Variants in PIK3C2G observed in about 807,000 individuals in gnomAD.
PIK3C2G encodes phosphatidylinositol-4-phosphate 3-kinase catalytic subunit type 2 gamma.
Under a neutral mutation model 181.1 loss-of-function variants are expected in PIK3C2G, and 168 were observed. That is an observed-to-expected ratio of 0.93 (90% CI 0.82 to 1.05). The LOEUF (loss-of-function observed/expected upper bound fraction) is 1.05. Ranked by LOEUF, PIK3C2G falls within the 50% of genes least tolerant of loss-of-function variation. The pLI, the probability that PIK3C2G is intolerant of heterozygous loss-of-function variation, is 0.00. For missense variants in PIK3C2G, 1,869 were observed against 1,732.8 expected (o/e 1.08, Z -1.40); for synonymous variants, 573 against 592.2 (o/e 0.97, Z 0.47).
chr12:18,542,066 G>A (rs902094757), intron 25 of PIK3C2G, among the ~76,000 whole-genome samples: 1 of 151,826 alleles, frequency 6.6e-6, no homozygotes, highest in Middle Eastern at 3.4e-3. Flanking sequence ...GTAAGTATAG[G>A]GTCCACTTTC....
intron 31 of PIK3C2G, among the ~76,000 whole-genome samples, chr12:18,615,490 G>A (rs773416421): frequency 7.9e-5 from 12 of 151,532 alleles, no homozygotes; most frequent in South Asian, 6.2e-4. Flanking sequence ...TGGGCATCTA[G>A]ACTGTTTCCA....
chr12:18,268,584 CATTG>C (rs1306054152), intron 1 of PIK3C2G, among the ~76,000 whole-genome samples: 5 of 152,102 alleles, frequency 3.3e-5, no homozygotes, highest in Non-Finnish European at 7.4e-5. Flanking sequence ...TCTTAGACTA[CATTG>C]ATTTTTAGAT....
the PIK3C2G span, among the ~76,000 whole-genome samples, chr12:18,725,896 A>G: frequency 6.6e-6 from 1 of 152,164 alleles, no homozygotes; most frequent in South Asian, 2.1e-4. Context: ...TCTCCTCCCC[A>G]GGTTGCATTA....
chr12:18,448,079 T>C (rs991578227), intron 18 of PIK3C2G, among the ~76,000 whole-genome samples: 1 of 152,126 alleles, frequency 6.6e-6, no homozygotes, highest in Non-Finnish European at 1.5e-5. Flanking sequence ...ACGAAGAATA[T>C]TCAATAACAT....
chr12:18,383,984 A>ATT (rs1349598583), intron 14 of PIK3C2G, among the ~76,000 whole-genome samples: 41 of 134,376 alleles, frequency 3.1e-4, no homozygotes, highest in African/African-American at 9.7e-4. Context: ...TATTATTATT[A>ATT]TTATTTTTTT....
chr12:18,628,388 C>A (rs1247724514), intron 31 of PIK3C2G, among the ~76,000 whole-genome samples: 1 of 151,998 alleles, frequency 6.6e-6, no homozygotes, highest in Non-Finnish European at 1.5e-5. Flanking sequence ...CATGCTACTG[C>A]TTTTTTTCTG....
At chr12:18,439,621 A>G (rs569702441) in intron 18 of PIK3C2G, among the ~76,000 whole-genome samples, 1 of 152,144 alleles carries the variant, frequency 6.6e-6, no homozygotes, top group South Asian at 2.1e-4. Context: ...CACTCCGTGT[A>G]TATAACAAGT....
intron 24 of PIK3C2G, among the ~76,000 whole-genome samples, chr12:18,506,926 G>A (rs933610664): frequency 1.3e-4 from 20 of 151,942 alleles, no homozygotes; most frequent in African/African-American, 4.6e-4. Flanking sequence ...TAAACTACAT[G>A]ATATATACAA....
chr12:18,374,949 T>A (rs933816102), intron 13 of PIK3C2G, among the ~76,000 whole-genome samples: 2 of 152,176 alleles, frequency 1.3e-5, no homozygotes, highest in African/African-American at 2.4e-5. Context: ...GCACCATGCT[T>A]CCTGTAAAGC....
chr12:18,350,268 T>C (rs1940098426), intron 11 of PIK3C2G, among the ~76,000 whole-genome samples: 1 of 152,086 alleles, frequency 6.6e-6, no homozygotes. Flanking sequence ...TATTGTTATA[T>C]GAGGAGATTA....
At chr12:18,645,935 A>G (rs1591764825) in intron 32 of PIK3C2G, among the ~76,000 whole-genome samples, 1 of 152,164 alleles carries the variant, frequency 6.6e-6, no homozygotes, top group Non-Finnish European at 1.5e-5. Context: ...TCTCTGTAAA[A>G]TAAGAGAGGA....
intron 7 of PIK3C2G, among the ~76,000 whole-genome samples, chr12:18,322,140 T>G (rs1951140950): frequency 6.6e-6 from 1 of 152,098 alleles, no homozygotes; most frequent in Non-Finnish European, 1.5e-5. Context: ...ATCCCAGCAC[T>G]TTAGGAGGCC....
intron 16 of PIK3C2G, among the ~76,000 whole-genome samples, chr12:18,403,337 T>C (rs1046915058): frequency 6.6e-6 from 1 of 152,210 alleles, no homozygotes; most frequent in Non-Finnish European, 1.5e-5. Flanking sequence ...ATAAGGTCAC[T>C]GCAAATGTTG....
chr12:18,721,622 C>G, the PIK3C2G span, among the ~76,000 whole-genome samples: 26 of 151,536 alleles, frequency 1.7e-4, no homozygotes, highest in Non-Finnish European at 3.5e-4. Context: ...AAGTGCTCAT[C>G]TGTAAACTGG....
chr12:18,581,927 A>G (rs1351327048), intron 29 of PIK3C2G, among the ~76,000 whole-genome samples: 1 of 152,130 alleles, frequency 6.6e-6, no homozygotes, highest in Non-Finnish European at 1.5e-5. Context: ...AGCAGGAGCA[A>G]CCAGTTGGAC....
At chr12:18,647,823 A>T in intron 32 of PIK3C2G, 53 bp from the exon 33 acceptor site, 1 of 1,071,108 alleles carries the variant, frequency 9.3e-7, no homozygotes, top group Non-Finnish European at 1.3e-6. Flanking sequence ...CTCAAAAAAG[A>T]GATGTATTTA....
chr12:18,655,874 C>T, the PIK3C2G span, among the ~76,000 whole-genome samples: 2 of 152,220 alleles, frequency 1.3e-5, no homozygotes, highest in Admixed American at 1.3e-4. Flanking sequence ...ACTGTCACAG[C>T]CAAGAGGAGC....
chr12:18,591,478 C>T (rs188300312), intron 29 of PIK3C2G, among the ~76,000 whole-genome samples: 8 of 151,772 alleles, frequency 5.3e-5, no homozygotes, highest in Admixed American at 1.3e-4. Context: ...ACATGACAAA[C>T]CCTGGGCAAA....
intron 30 of PIK3C2G, among the ~76,000 whole-genome samples, chr12:18,597,499 G>T (rs34444765): frequency 0.19 from 28,840 of 151,810 alleles, 2,719 homozygotes; most frequent in South Asian, 0.21. Flanking sequence ...AAGTATAAAT[G>T]GGCTTAACTC....
Sources: allele counts gnomAD v4.1 joint callset (sites outside exome capture counted in the v4.1 genomes callset), GRCh38; gene constraint gnomAD v4.1.1; transcripts MANE v1.5; gene names NCBI Gene and HGNC (gene_info 2026-07-23, HGNC 2026-07-21).